PINX1: variants seen among roughly 807,000 people sequenced by gnomAD.
The protein encoded by PINX1 is PIN2/TERF1-interacting telomerase inhibitor 1.
PINX1 carries 34 observed loss-of-function variants against 25.4 expected under a neutral mutation model. That is an observed-to-expected ratio of 1.34 (90% CI 1.02 to 1.78). The LOEUF (loss-of-function observed/expected upper bound fraction) is 1.78, where lower values mean the gene tolerates loss of function less well. Among genes scored for constraint, PINX1 ranks in the 40% most tolerant of loss-of-function variants. The probability of loss-of-function intolerance (pLI) is 0.00; values close to 1 mark genes in which losing one functional copy is unlikely to be tolerated. For synonymous variants in PINX1, 197 were observed against 147.7 expected (o/e 1.33, Z -2.42); for missense variants, 592 against 404.9 (o/e 1.46, Z -3.97).
chr8:10,818,265 G>C (rs940293711), intron 6 of PINX1, among the ~76,000 whole-genome samples: 2 of 152,222 alleles, frequency 1.3e-5, no homozygotes, highest in Non-Finnish European at 2.9e-5. Flanking sequence ...GACCAAAAGA[G>C]ATTTTCCTGG....
At position 10,832,895 on chromosome 8, in the gene PINX1, A is replaced by T; in HGVS notation, c.219T>A (p.Asn73Lys). The part of the protein sequence containing the change: ...NHLGLGATIN[N>K]EDNWIAHQDD... ...GGAGGCACACACTGCTGCTCACTTC[A>T]TTATTGATGGTAGCTCCGAGTCCCA... The change falls in exon 3 of 7, where the codon AAT (asparagine) becomes AAA (lysine). Residue 73 changes from asparagine to lysine, a missense_variant. Physicochemically the swap from Asn to Lys is moderately conservative, Grantham distance 94 (BLOSUM62 0). Transcript: ENST00000314787. 1 of 1,599,228 alleles carries T rather than the reference A, an allele frequency of 6.3e-7. No homozygotes were observed. Among genetic ancestry groups the T allele is most frequent in the Middle Eastern group, 1.7e-4 (1 of 6,036 alleles).
rs144648248 is a variant in PINX1, at chr8:10,811,950, T to G, written c.471+8243A>C. Among the ~76,000 whole-genome samples the G allele has an allele frequency of 4.6e-5, 7 of 152,202 alleles. No individual in the cohort carries two copies. In the East Asian group the frequency reaches 1.4e-3, roughly 29 times the overall value. The stretch of plus-strand genomic sequence containing the variant: ...TGGTAAGGGCCCACTTAGAAGAGCA[T>G]GTGGAATGAGAGGTATCACTGAGGC... On this transcript the variant is annotated intron_variant, in intron 6 of 6. Transcript: ENST00000314787.
intron 6 of PINX1, among the ~76,000 whole-genome samples, chr8:10,792,161 C>T (rs1053490003): frequency 2.6e-5 from 4 of 152,152 alleles, no homozygotes; most frequent in Non-Finnish European, 5.9e-5. Context: ...TGACAGCAGG[C>T]CCCGCAGATG....
At chr8:10,814,622 G>C (rs911207438) in intron 6 of PINX1, among the ~76,000 whole-genome samples, 1 of 152,228 alleles carries the variant, frequency 6.6e-6, no homozygotes, top group East Asian at 1.9e-4. Flanking sequence ...GCATGGCGTA[G>C]AATGTAGATT....
At chr8:10,838,905 A>G (rs1798485211) in intron 1 of PINX1, among the ~76,000 whole-genome samples, 1 of 152,124 alleles carries the variant, frequency 6.6e-6, no homozygotes, top group Non-Finnish European at 1.5e-5. Flanking sequence ...TAAGTCCTCC[A>G]CCCTCTTAGA....
intron 6 of PINX1, among the ~76,000 whole-genome samples, chr8:10,782,435 T>TA (rs1043423844): frequency 6.6e-6 from 1 of 151,904 alleles, no homozygotes; most frequent in Non-Finnish European, 1.5e-5. Flanking sequence ...AAAAAAATTT[T>TA]TTTTTTTAAG....
chr8:10,783,771 G>A lies in PINX1; in HGVS notation c.472-17855C>T, dbSNP rs566550939. 5.9e-5 allele frequency among the ~76,000 whole-genome samples: 9 copies of A among 152,292 alleles called. No individual in the cohort carries two copies. The South Asian group carries it at 1.9e-3, about 32-fold the overall frequency. ...GGGGAGAGGGAAACAGGAAGAAAAT[G>A]ATTAAAGTACTATTACTCAGAACTA... On this transcript the variant is annotated intron_variant, in intron 6 of 6. Coordinates refer to ENST00000314787, the MANE Select transcript of PINX1 (RefSeq NM_017884.6).
At chr8:10,775,842 C>G (rs1156515395) in intron 6 of PINX1, among the ~76,000 whole-genome samples, 2 of 152,132 alleles carry the variant, frequency 1.3e-5, no homozygotes, top group East Asian at 3.9e-4. Context: ...CTTTTTTCAA[C>G]ATAGTTTTTT....
At chr8:10,830,608 A>T (rs1209836499) in intron 4 of PINX1, among the ~76,000 whole-genome samples, 1 of 152,266 alleles carries the variant, frequency 6.6e-6, no homozygotes, top group Non-Finnish European at 1.5e-5. Flanking sequence ...ATAAACAAGA[A>T]TGTTTATAAA....
At chr8:10,770,188 T>A (rs1431959105) in intron 6 of PINX1, among the ~76,000 whole-genome samples, 2 of 152,226 alleles carry the variant, frequency 1.3e-5, no homozygotes, top group Non-Finnish European at 2.9e-5. Context: ...AGCTTCCACC[T>A]GGACACTGCC....
At chr8:10,795,550 A>C (rs1196704918) in intron 6 of PINX1, among the ~76,000 whole-genome samples, 1 of 152,120 alleles carries the variant, frequency 6.6e-6, no homozygotes, top group African/African-American at 2.4e-5. Flanking sequence ...ACAGGCACAC[A>C]CTACCATGCC....
chr8:10,822,463 C>T (rs1325430132), intron 5 of PINX1, among the ~76,000 whole-genome samples: 2 of 152,160 alleles, frequency 1.3e-5, no homozygotes, highest in African/African-American at 2.4e-5. Flanking sequence ...GTAACATTTC[C>T]AGAACCAGTA....
intron 6 of PINX1, among the ~76,000 whole-genome samples, 158 bp downstream of exon 6, chr8:10,820,035 A>G (rs1186609430): frequency 6.6e-6 from 1 of 152,202 alleles, no homozygotes; most frequent in Non-Finnish European, 1.5e-5. Flanking sequence ...ACCCACTAAT[A>G]TTATGAAAAG....
intron 6 of PINX1, among the ~76,000 whole-genome samples, chr8:10,774,839 GGCAAA>G (rs1801338863): frequency 6.6e-6 from 1 of 151,974 alleles, no homozygotes; most frequent in South Asian, 2.1e-4. Context: ...GAGTAAATTT[GGCAAA>G]GCAAAGTCAT....
chr8:10,820,452 A>G, intron 5 of PINX1, 183 bp from the exon 6 acceptor site: 1 of 648,548 alleles, frequency 1.5e-6, no homozygotes, highest in East Asian at 2.7e-5. Context: ...AAATTAATTA[A>G]ATTTTAAAAC....
chr8:10,834,269 C>G (rs780706801), intron 2 of PINX1: 10 of 166,274 alleles, frequency 6.0e-5, no homozygotes, highest in East Asian at 1.8e-4. Flanking sequence ...CAATTACATC[C>G]AGCACTGCTG....
chr8:10,831,678 C>A lies in PINX1; in HGVS notation c.288G>T (p.Gly96=), dbSNP rs1249089664. The A allele has an allele frequency of 3.1e-6, 5 of 1,598,904 alleles. No individual in the cohort carries two copies. The highest frequency in any genetic ancestry group is 1.7e-5 in the Admixed American group (1 of 59,156). ...QLLAELNTCH[G]QETTDSSDKK... is the part of the protein sequence containing the mutation. ...TGATTTCCCTACCTGTGGTTTCCTG[C>A]CCATGGCAAGTGTTCAGTTCGGCCA... Residue 96 remains glycine, a synonymous_variant, in exon 4 of 7, where the codon GGG becomes GGT. Coordinates refer to ENST00000314787, the MANE Select transcript of PINX1 (RefSeq NM_017884.6).
intron 5 of PINX1, among the ~76,000 whole-genome samples, chr8:10,822,828 T>C (rs73208791): frequency 0.17 from 25,675 of 152,108 alleles, 2,589 homozygotes; most frequent in Non-Finnish European, 0.23. Flanking sequence ...AGTAAAGAAG[T>C]GAAGGGCAAG....
intron 6 of PINX1, among the ~76,000 whole-genome samples, chr8:10,779,233 T>C (rs528554610): frequency 3.3e-5 from 5 of 152,310 alleles, no homozygotes; most frequent in African/African-American, 7.2e-5. Flanking sequence ...TGAAGAAAGA[T>C]CCTGGGCGTC....
Sources: gnomAD v4.1 joint callset for allele counts (sites outside exome capture counted in the v4.1 genomes callset) on GRCh38, gnomAD v4.1.1 for gene constraint, MANE v1.5 for transcripts, NCBI Gene and HGNC (gene_info 2026-07-23, HGNC 2026-07-21) for gene names.